RUNDC3B: variants seen among roughly 807,000 people sequenced by gnomAD.
RUNDC3B encodes the protein RUN domain containing 3B.
Under a neutral mutation model 58.4 loss-of-function variants are expected in RUNDC3B, and 33 were observed. That is an observed-to-expected ratio of 0.56 (90% CI 0.43 to 0.75). The LOEUF (loss-of-function observed/expected upper bound fraction) is 0.75, where lower values mean the gene tolerates loss of function less well. Among genes scored for constraint, RUNDC3B ranks in the 30% least tolerant of loss-of-function variants. The pLI is 0.00. For missense variants in RUNDC3B, 501 were observed against 535.7 expected (o/e 0.94, Z 0.64); for synonymous variants, 193 against 195.2 (o/e 0.99, Z 0.10).
At chr7:87,669,307 T>A (rs572365703) in intron 2 of RUNDC3B, among the ~76,000 whole-genome samples, 2 of 152,214 alleles carry the variant, frequency 1.3e-5, no homozygotes, top group Non-Finnish European at 2.9e-5. Context: ...CCCTTCTTTT[T>A]TCTGTTTTCC....
intron 8 of RUNDC3B, among the ~76,000 whole-genome samples, chr7:87,782,050 A>G (rs1276848750): frequency 2.0e-5 from 3 of 152,142 alleles, no homozygotes. Context: ...TTTCAGTAGG[A>G]TTGACACCAG....
intron 2 of RUNDC3B, among the ~76,000 whole-genome samples, chr7:87,685,528 C>G (rs183916717): frequency 6.6e-6 from 1 of 152,092 alleles, no homozygotes; most frequent in Non-Finnish European, 1.5e-5. Context: ...TTTCCACACA[C>G]AACAACATGT....
intron 8 of RUNDC3B, among the ~76,000 whole-genome samples, chr7:87,789,631 T>G (rs914984895): frequency 2.0e-5 from 3 of 152,214 alleles, no homozygotes; most frequent in Non-Finnish European, 2.9e-5. Flanking sequence ...ATGTATTATA[T>G]AATCTACTGC....
intron 2 of RUNDC3B, among the ~76,000 whole-genome samples, chr7:87,676,995 T>A (rs1450729509): frequency 1.3e-5 from 2 of 151,954 alleles, no homozygotes; most frequent in Non-Finnish European, 2.9e-5. Context: ...GGCAAGGATG[T>A]GGAGAAAAGG....
At chr7:87,805,298 T>C (rs73706928) in intron 8 of RUNDC3B, among the ~76,000 whole-genome samples, 2,055 of 152,262 alleles carry the variant, frequency 0.013, 47 homozygotes, top group African/African-American at 0.047. Flanking sequence ...TGTACTTGAG[T>C]GATGAAAGAA....
At chr7:87,782,411 A>G (rs115245347) in intron 8 of RUNDC3B, among the ~76,000 whole-genome samples, 213 of 152,060 alleles carry the variant, frequency 1.4e-3, no homozygotes, top group African/African-American at 4.9e-3. Context: ...TATCCTTTCA[A>G]AGAAATGATG....
chr7:87,776,520 T>C (rs986642217), intron 7 of RUNDC3B, among the ~76,000 whole-genome samples: 2 of 152,034 alleles, frequency 1.3e-5, no homozygotes, highest in African/African-American at 4.8e-5. Flanking sequence ...AGTAAAGAGA[T>C]AATAAACACA....
chr7:87,745,962 C>T (rs1832617122), intron 6 of RUNDC3B, among the ~76,000 whole-genome samples: 2 of 152,092 alleles, frequency 1.3e-5, no homozygotes, highest in South Asian at 4.1e-4. Context: ...CCTTTTAGCA[C>T]CGCCTTTGCT....
intron 2 of RUNDC3B, among the ~76,000 whole-genome samples, chr7:87,697,364 G>A (rs1828583152): frequency 6.6e-6 from 1 of 152,096 alleles, no homozygotes; most frequent in African/African-American, 2.4e-5. Context: ...CCAGTGTGTA[G>A]TACTTCATTT....
At chr7:87,800,708 C>T (rs1230996563) in intron 8 of RUNDC3B, among the ~76,000 whole-genome samples, 1 of 150,282 alleles carries the variant, frequency 6.7e-6, no homozygotes, top group African/African-American at 2.5e-5. Flanking sequence ...AGTGCAGTGG[C>T]ACAATCACAG....
At chr7:87,646,029 A>G (rs1822966505) in intron 1 of RUNDC3B, among the ~76,000 whole-genome samples, 1 of 152,202 alleles carries the variant, frequency 6.6e-6, no homozygotes, top group Non-Finnish European at 1.5e-5. Flanking sequence ...CTTGAAAATC[A>G]TAGAAATTGT....
chr7:87,795,661 TG>T (rs1223863777), intron 8 of RUNDC3B, among the ~76,000 whole-genome samples: 24 of 150,648 alleles, frequency 1.6e-4, no homozygotes, highest in Admixed American at 2.7e-4. Flanking sequence ...GTGGATCACC[TG>T]AGGTCAGGAG....
chr7:87,675,483 T>C (rs1382870440), intron 2 of RUNDC3B, among the ~76,000 whole-genome samples: 1 of 152,018 alleles, frequency 6.6e-6, no homozygotes, highest in Non-Finnish European at 1.5e-5. Context: ...TGAAACAGCT[T>C]GGTACTAAAA....
intron 1 of RUNDC3B, among the ~76,000 whole-genome samples, chr7:87,644,515 A>G (rs1822786936): frequency 6.6e-6 from 1 of 152,180 alleles, no homozygotes; most frequent in Non-Finnish European, 1.5e-5. Context: ...ACTCTTATTA[A>G]TGACTTTAAC....
chr7:87,632,206 G>A (rs1821293188), intron 1 of RUNDC3B, among the ~76,000 whole-genome samples: 1 of 151,522 alleles, frequency 6.6e-6, no homozygotes. Context: ...CAATTTAGGT[G>A]TATTCTCAGT....
chr7:87,721,873 A>T (rs749524327), intron 4 of RUNDC3B, among the ~76,000 whole-genome samples: 3 of 150,358 alleles, frequency 2.0e-5, no homozygotes, highest in Middle Eastern at 3.4e-3. Flanking sequence ...TGTGTATTTC[A>T]TGGGATATTA....
chr7:87,697,550 C>CA (rs1828599741), intron 2 of RUNDC3B, among the ~76,000 whole-genome samples: 1 of 152,170 alleles, frequency 6.6e-6, no homozygotes, highest in Admixed American at 6.5e-5. Flanking sequence ...TCTCTAGATT[C>CA]CAAAGCAAGT....
intron 5 of RUNDC3B, among the ~76,000 whole-genome samples, chr7:87,740,398 A>G (rs1015048493): frequency 6.6e-6 from 1 of 152,122 alleles, no homozygotes; most frequent in Admixed American, 6.6e-5. Flanking sequence ...TCTACACTAA[A>G]ATAACAAGTG....
At chr7:87,743,990 A>C (rs1274877953) in intron 6 of RUNDC3B, among the ~76,000 whole-genome samples, 1 of 152,194 alleles carries the variant, frequency 6.6e-6, no homozygotes, top group African/African-American at 2.4e-5. Context: ...ATTTTTGTAT[A>C]AGGTGAGAGA....
Sources: allele counts gnomAD v4.1 joint callset (sites outside exome capture counted in the v4.1 genomes callset), GRCh38; gene constraint gnomAD v4.1.1; transcripts MANE v1.5; gene names NCBI Gene and HGNC (gene_info 2026-07-23, HGNC 2026-07-21).